The following PTMA variants were observed in gnomAD, a reference collection of about 807,000 sequenced individuals.
PTMA encodes the protein prothymosin alpha.
PTMA carries 4 observed loss-of-function variants against 16.9 expected under a neutral mutation model. The ratio of observed to expected loss-of-function variants is 0.24; its 90% confidence interval spans 0.12 to 0.54. The LOEUF is 0.54. Ranked by LOEUF, PTMA falls within the 20% of genes least tolerant of loss-of-function variation. The probability of loss-of-function intolerance (pLI) is 0.95; values close to 1 mark genes in which losing one functional copy is unlikely to be tolerated. For synonymous variants in PTMA, 58 were observed against 47.9 expected (o/e 1.21, Z -0.87); for missense variants, 120 against 137.7 (o/e 0.87, Z 0.64).
At chr2:231,712,098 G>T (rs2048525165) in intron 3 of PTMA, 115 bp downstream of exon 3, 1 of 1,514,974 alleles carries the variant, frequency 6.6e-7, no homozygotes, top group Non-Finnish European at 8.9e-7. Context: ...CTTGGGGCCA[G>T]TGGACCACAT....
intron 1 of PTMA, chr2:231,710,682 GTCGGGA>G (rs972502336): frequency 7.2e-6 from 3 of 413,908 alleles, no homozygotes; most frequent in Non-Finnish European, 1.5e-5. Flanking sequence ...CCGAGGTGCT[GTCGGGA>G]TCCCTAGCCG....
chr2:231,710,840 C>T (rs911372675), intron 1 of PTMA, among the ~76,000 whole-genome samples: 1 of 152,218 alleles, frequency 6.6e-6, no homozygotes, highest in African/African-American at 2.4e-5. Flanking sequence ...CTGTCCTGGC[C>T]GGGGCGGTGC....
chr2:231,711,166 C>G, intron 1 of PTMA, 182 bp from the exon 2 acceptor site: 1 of 539,842 alleles, frequency 1.9e-6, no homozygotes, highest in South Asian at 2.5e-5. Flanking sequence ...TGCCCCCCGC[C>G]GGCCTTCCTT....
rs759573152 is a variant in PTMA at position 231,711,991 on chromosome 2, G to T, written c.211+8G>T. 2.7e-5 allele frequency: 42 copies of T among 1,560,696 alleles called. No homozygotes were observed. In the South Asian group the frequency reaches 4.5e-4, roughly 17 times the overall value. On this transcript the variant is annotated splice_region_variant and intron_variant, in intron 3 of 4. Transcript: ENST00000409115. ...AGGAAGAAGAAGGTGATGGTGAGTA[G>T]CCTTGTCTATCTTCCCCTTTTCAGG...
At chr2:231,710,358 G>A in intron 1 of PTMA, 5 of 1,205,698 alleles carry the variant, frequency 4.1e-6, no homozygotes, top group Non-Finnish European at 5.2e-6. Context: ...GGTGCGTGCC[G>A]AGGCCCGCGC....
At chr2:231,711,313 C>CTTACTGG in intron 1 of PTMA, 35 bp from the exon 2 acceptor site, 1 of 1,585,330 alleles carries the variant, frequency 6.3e-7, no homozygotes, top group East Asian at 2.2e-5. Flanking sequence ...GCTCAGAAGA[C>CTTACTGG]TTACTGGTTA....
intron 1 of PTMA, among the ~76,000 whole-genome samples, chr2:231,710,908 C>G (rs1016813831): frequency 6.6e-6 from 1 of 152,176 alleles, no homozygotes; most frequent in Non-Finnish European, 1.5e-5. Flanking sequence ...GCGCAGGCCC[C>G]TCTCTCTTTG....
At chr2:231,711,276 T>G in intron 1 of PTMA, 72 bp from the exon 2 acceptor site, 2 of 1,284,756 alleles carry the variant, frequency 1.6e-6, no homozygotes, top group South Asian at 2.4e-5. Context: ...GACCAGTAGT[T>G]CTCAGCGCCT....
chr2:231,710,344 G>C, intron 1 of PTMA: 1 of 1,218,164 alleles, frequency 8.2e-7, no homozygotes, highest in African/African-American at 1.6e-5. Context: ...TGCTCCCTGC[G>C]CGCGGTGCGT....
intron 4 of PTMA, 126 bp from the exon 5 acceptor site, chr2:231,712,678 T>A (rs1443006211): frequency 7.4e-7 from 1 of 1,352,654 alleles, no homozygotes; most frequent in Non-Finnish European, 1.0e-6. Context: ...TGGGCTCAAC[T>A]TCCCAGAGGC....
chr2:231,711,584 A>G, intron 2 of PTMA, 165 bp downstream of exon 2: 1 of 737,234 alleles, frequency 1.4e-6, no homozygotes, highest in Non-Finnish European at 2.2e-6. Flanking sequence ...GATTATTGCT[A>G]GTTAAATATT....
chr2:231,711,863 T>A (rs1026496465), intron 2 of PTMA, 27 bp from the exon 3 acceptor site: 6 of 1,611,098 alleles, frequency 3.7e-6, no homozygotes, highest in Non-Finnish European at 5.1e-6. Flanking sequence ...CAGCTGGTAA[T>A]GACATGGCCT....
intron 1 of PTMA, chr2:231,709,963 C>CA (rs2048494975): frequency 7.2e-6 from 6 of 836,786 alleles, no homozygotes; most frequent in Non-Finnish European, 9.5e-6. Context: ...CAGGGGCTCT[C>CA]AGTGACCCCT....
Position 231,708,556 on chromosome 2 carries a change from G to T in PTMA, c.-151G>T, listed in dbSNP as rs1313225553. On this transcript the variant is annotated 5_prime_UTR_variant, in exon 1 of 5. Coordinates refer to ENST00000409115, the MANE Select transcript of PTMA (RefSeq NM_002823.5). The stretch of plus-strand genomic sequence containing the variant: ...CTGGCTGCTCTGAAAAGCCATCTTT[G>T]CATTGTTCCTCATCCGCCTCCTTGC... 6.9e-6 allele frequency: 6 copies of T among 873,694 alleles called. No homozygotes were observed. Among genetic ancestry groups the T allele is most frequent in the Non-Finnish European group, 1.1e-5 (6 of 541,976 alleles). The allele number at this position is 873,694 out of a possible 1,614,324, so 54.1% of individuals were successfully genotyped here.
chr2:231,713,256 T>A lies in PTMA; in HGVS notation c.*405T>A, dbSNP rs997495771. On this transcript the variant is annotated 3_prime_UTR_variant, in exon 5 of 5. Coordinates refer to ENST00000409115, the MANE Select transcript of PTMA (RefSeq NM_002823.5). ...ACTTGTGGTGTGACCATGTTCATTA[T>A]AATCTCAAAGGAGAAAAAAAACCTT... 1.9e-4 allele frequency: 87 copies of A among 465,956 alleles called. 1 individual carries two copies. The Middle Eastern group carries it at 4.6e-3, about 25-fold the overall frequency. 28.9% of individuals were successfully genotyped at this position (465,956 alleles called of 1,614,324 possible).
intron 1 of PTMA, 71 bp downstream of exon 1, chr2:231,708,822 GC>G (rs2106240506): frequency 6.5e-7 from 1 of 1,543,060 alleles, no homozygotes; most frequent in East Asian, 2.3e-5. Context: ...GCGCGCAGCA[GC>G]TGGACTGTCT....
At chr2:231,710,644 CT>C in intron 1 of PTMA, 6 of 449,164 alleles carry the variant, frequency 1.3e-5, no homozygotes, top group Admixed American at 2.5e-5. Context: ...GCCGCGCTGC[CT>C]TTTGGATCCC....
chr2:231,712,065 C>T (rs1371774459), intron 3 of PTMA, 82 bp downstream of exon 3: 50 of 1,544,190 alleles, frequency 3.2e-5, no homozygotes, highest in Admixed American at 3.0e-4. Flanking sequence ...GGAATTGGGG[C>T]TCCTGGGAGT....
rs536300380 is a variant in PTMA, at chr2:231,710,200, G to A, written c.46-1148G>A. ...CCGAATGCAGACATTCGGGCCTGCC[G>A]GGGTGGCGGCAGTGGGGCGTCGAGT... On this transcript the variant is annotated intron_variant, in intron 1 of 4. Coordinates refer to ENST00000409115, the MANE Select transcript of PTMA (RefSeq NM_002823.5). 7 of 1,324,316 alleles carry A rather than the reference G, an allele frequency of 5.3e-6. No individual in the cohort carries two copies. In the East Asian group the frequency reaches 1.2e-4, roughly 23 times the overall value. 82.0% of individuals were successfully genotyped at this position (1,324,316 alleles called of 1,614,324 possible).
Sources: gnomAD v4.1 joint callset for allele counts (sites outside exome capture counted in the v4.1 genomes callset) on GRCh38, gnomAD v4.1.1 for gene constraint, MANE v1.5 for transcripts, NCBI Gene and HGNC (gene_info 2026-07-23, HGNC 2026-07-21) for gene names.